RCHY1: variants seen among roughly 807,000 people sequenced by gnomAD.
The protein encoded by RCHY1 is ring finger and CHY zinc finger domain containing 1.
Under a neutral mutation model 41.6 loss-of-function variants are expected in RCHY1, and 21 were observed. The observed-to-expected ratio is 0.51, with a 90% CI of 0.36 to 0.73. The LOEUF is 0.73. Ranked by LOEUF, RCHY1 falls within the 30% of genes least tolerant of loss-of-function variation. RCHY1 has a pLI of 0.00. For missense variants in RCHY1, 265 were observed against 325.3 expected, an observed-to-expected ratio of 0.81 and a Z score of 1.43; for synonymous variants, 79 against 102.9, an observed-to-expected ratio of 0.77 and a Z score of 1.41.
intron 8 of RCHY1, among the ~76,000 whole-genome samples, chr4:75,487,724 A>C (rs1722302911): frequency 9.3e-6 from 1 of 107,096 alleles, no homozygotes; most frequent in South Asian, 2.6e-4. Context: ...ATTCATATAT[A>C]TATTCATAAT....
chr4:75,511,946 C>A (rs1724922800), intron 1 of RCHY1, among the ~76,000 whole-genome samples: 1 of 152,086 alleles, frequency 6.6e-6, no homozygotes, highest in Non-Finnish European at 1.5e-5. Flanking sequence ...ACAACGGCAC[C>A]CTCTTTGCAT....
intron 8 of RCHY1, among the ~76,000 whole-genome samples, chr4:75,483,941 A>C (rs1214546144): frequency 6.6e-6 from 1 of 152,206 alleles, no homozygotes; most frequent in East Asian, 1.9e-4. Context: ...CATCTTAATT[A>C]AACGAAAAAA....
chr4:75,497,177 C>T (rs886482264), intron 3 of RCHY1, among the ~76,000 whole-genome samples: 3 of 152,194 alleles, frequency 2.0e-5, no homozygotes, highest in South Asian at 4.1e-4. Context: ...TTTTTTAAAA[C>T]GACAGAGCAT....
intron 3 of RCHY1, among the ~76,000 whole-genome samples, chr4:75,508,383 A>C (rs1724537582): frequency 6.6e-6 from 1 of 151,978 alleles, no homozygotes; most frequent in Admixed American, 6.6e-5. Flanking sequence ...GGCTCTGGTT[A>C]TTTTATTTTT....
intron 3 of RCHY1, among the ~76,000 whole-genome samples, chr4:75,501,556 C>T (rs1265894696): frequency 6.6e-6 from 1 of 152,064 alleles, no homozygotes; most frequent in African/African-American, 2.4e-5. Flanking sequence ...GATAAAATGC[C>T]TCCTAAAATG....
At chr4:75,509,531 A>G (rs1406156472) in intron 1 of RCHY1, 1 of 393,772 alleles carries the variant, frequency 2.5e-6, no homozygotes, top group Non-Finnish European at 4.6e-6. Context: ...ACTTTAAAAC[A>G]AAAGAATTAT....
chr4:75,492,215 C>A (rs560107277), intron 4 of RCHY1, among the ~76,000 whole-genome samples: 121 of 151,940 alleles, frequency 8.0e-4, no homozygotes, highest in African/African-American at 2.8e-3. Context: ...AAGACACTTA[C>A]CCAAGATCCA....
intron 3 of RCHY1, among the ~76,000 whole-genome samples, chr4:75,505,705 C>T (rs889097304): frequency 2.0e-5 from 3 of 152,042 alleles, no homozygotes; most frequent in Non-Finnish European, 4.4e-5. Context: ...GACGAAATAG[C>T]TTCTATAGGA....
intron 8 of RCHY1, among the ~76,000 whole-genome samples, chr4:75,484,390 A>G (rs1453951898): frequency 2.0e-5 from 3 of 152,208 alleles, no homozygotes; most frequent in Middle Eastern, 3.2e-3. Context: ...CCAGGATCCA[A>G]CTGCCTTGGA....
chr4:75,494,375 G>C (rs2148734232), intron 3 of RCHY1, 196 bp from the exon 4 acceptor site: 1 of 459,776 alleles, frequency 2.2e-6, no homozygotes, highest in South Asian at 4.0e-5. Flanking sequence ...TACCCTTCTA[G>C]GGCTTTTTTT....
intron 3 of RCHY1, among the ~76,000 whole-genome samples, chr4:75,495,281 G>A (rs570008980): frequency 6.6e-6 from 1 of 151,884 alleles, no homozygotes; most frequent in Non-Finnish European, 1.5e-5. Context: ...ATCATAAACA[G>A]ACTCTCCTAT....
chr4:75,502,268 C>T (rs1447466665), intron 3 of RCHY1, among the ~76,000 whole-genome samples: 2 of 152,052 alleles, frequency 1.3e-5, no homozygotes, highest in East Asian at 1.9e-4. Flanking sequence ...AGGCCAGCTG[C>T]GGTGGCTCAC....
At chr4:75,486,954 G>A (rs1560511781) in intron 8 of RCHY1, among the ~76,000 whole-genome samples, 1 of 152,090 alleles carries the variant, frequency 6.6e-6, no homozygotes, top group Non-Finnish European at 1.5e-5. Flanking sequence ...ACTCCAGCCT[G>A]GGTGACAGAG....
chr4:75,514,553 A>C, upstream of RCHY1: 57 of 338,112 alleles, frequency 1.7e-4, no homozygotes, highest in East Asian at 4.6e-4. Context: ...TTTTCCCCCA[A>C]TCGCTACCCG....
chr4:75,487,811 A>T (rs1459747394), intron 8 of RCHY1, among the ~76,000 whole-genome samples: 6 of 43,314 alleles, frequency 1.4e-4, no homozygotes, highest in African/African-American at 7.5e-4. Flanking sequence ...ATATATTCAT[A>T]ATATATATTC....
chr4:75,508,839 C>T lies in RCHY1; in HGVS notation c.307G>A (p.Glu103Lys), dbSNP rs1724580975. The T allele has an allele frequency of 1.2e-6, 2 of 1,602,564 alleles. No homozygotes were observed. The highest frequency in any genetic ancestry group is 1.7e-5 in the Admixed American group (1 of 58,226). ...FDKDKKQYHC[E>K]NCGICRIGPK... The stretch of plus-strand genomic sequence containing the variant: ...CAGTACCTACAAATTCCACAGTTTT[C>T]ACAGTGATACTGCTTCTTATCTTTG... Residue 103 changes from glutamate to lysine, a missense_variant, in exon 3 of 9, where the codon GAA (glutamate) becomes AAA (lysine). Coordinates refer to ENST00000324439, the MANE Select transcript of RCHY1 (RefSeq NM_015436.4).
chr4:75,490,486 T>A (rs1578212115), intron 8 of RCHY1, 95 bp downstream of exon 8: 2 of 904,404 alleles, frequency 2.2e-6, no homozygotes, highest in Non-Finnish European at 3.4e-6. Flanking sequence ...CAAACCAGTA[T>A]ATATATATTT....
At chr4:75,505,408 T>C (rs1724201981) in intron 3 of RCHY1, among the ~76,000 whole-genome samples, 2 of 152,206 alleles carry the variant, frequency 1.3e-5, no homozygotes, top group South Asian at 4.1e-4. Flanking sequence ...GTTTAATATT[T>C]ACCATGTAGC....
Position 75,482,511 on chromosome 4 carries a change from C to G in RCHY1, c.*27G>C. 6.4e-7 allele frequency: 1 copy of G among 1,551,310 alleles called. No individual in the cohort carries two copies. ...AGCCTTTTTCTATATCAGAAAATGC[C>G]AAGTTCTCCAGTACTGTGTAGGCTC... On this transcript the variant is annotated 3_prime_UTR_variant, in exon 9 of 9. Transcript: ENST00000324439.
Sources: gnomAD v4.1 joint callset for allele counts (sites outside exome capture counted in the v4.1 genomes callset) on GRCh38, gnomAD v4.1.1 for gene constraint, MANE v1.5 for transcripts, NCBI Gene and HGNC (gene_info 2026-07-23, HGNC 2026-07-21) for gene names.